The following CDH11 variants were observed in gnomAD, a reference collection of about 807,000 sequenced individuals.
The protein encoded by CDH11 is cadherin-11.
Under a neutral mutation model 67.8 loss-of-function variants are expected in CDH11, and 11 were observed. That is an observed-to-expected ratio of 0.16 (90% CI 0.10 to 0.27). CDH11 has a LOEUF of 0.27. Among genes scored for constraint, CDH11 ranks in the 10% least tolerant of loss-of-function variants. The pLI is 1.00. For synonymous variants in CDH11, 419 were observed against 400.0 expected, an observed-to-expected ratio of 1.05 and a Z score of -0.57; for missense variants, 847 against 1,031.2, an observed-to-expected ratio of 0.82 and a Z score of 2.45.
chr16:65,045,329 GTATATATATATATATATATATATA>G (rs57695452), intron 2 of CDH11, among the ~76,000 whole-genome samples: 32 of 63,278 alleles, frequency 5.1e-4, no homozygotes, highest in African/African-American at 1.3e-3. Flanking sequence ...TCCCTCAAAA[GTATATATATATATATATATATATA>G]TATATATATA....
intron 7 of CDH11, chr16:64,984,640 T>C (rs2072440133): frequency 6.6e-6 from 1 of 152,206 alleles, no homozygotes; most frequent in Non-Finnish European, 1.5e-5. Context: ...TGATATTTGT[T>C]AGATATAATA....
upstream of CDH11, chr16:65,122,110 T>G (rs1009616586): frequency 0.025 from 1,603 of 65,186 alleles, no homozygotes; most frequent in Middle Eastern, 0.04. Context: ...CGGGGGGAGG[T>G]GGCGGGCGGG....
At chr16:65,116,888 C>A (rs1366097693) in intron 1 of CDH11, among the ~76,000 whole-genome samples, 1 of 152,146 alleles carries the variant, frequency 6.6e-6, no homozygotes, top group Admixed American at 6.5e-5. Flanking sequence ...CACTTAATAT[C>A]CCGATGTACC....
rs1157070957 is a variant in CDH11, at chr16:64,944,684, A to G, written c.*2919T>C. On this transcript the variant is annotated 3_prime_UTR_variant, in exon 13 of 13. Transcript: ENST00000268603. ...ATTCTCCAAGAGGTGCAAATAAACT[A>G]CTCTTTTATCTTCCCTGTCACCCCC... 4.3e-6 allele frequency: 1 copy of G among 231,570 alleles called. No homozygotes were observed. The highest frequency in any genetic ancestry group is 8.5e-6 in the Non-Finnish European group (1 of 117,172). The allele number at this position is 231,570 out of a possible 1,614,324, so 14.3% of individuals were successfully genotyped here. A position where few individuals can be genotyped will look rare whatever the true frequency, so the allele number is the denominator to read the frequency against.
At chr16:65,055,011 G>T (rs2074119727) in intron 1 of CDH11, among the ~76,000 whole-genome samples, 2 of 152,224 alleles carry the variant, frequency 1.3e-5, no homozygotes, top group Admixed American at 6.5e-5. Flanking sequence ...TGGTTTTGGT[G>T]ACTGTAGCAA....
intron 1 of CDH11, among the ~76,000 whole-genome samples, chr16:65,059,048 A>G (rs1451959271): frequency 6.6e-6 from 1 of 152,264 alleles, no homozygotes; most frequent in African/African-American, 2.4e-5. Context: ...ATATTAACAT[A>G]CAATTTTATC....
rs1248579805 is a variant in CDH11 at position 64,944,620 on chromosome 16, A to G, written c.*2983T>C. On this transcript the variant is annotated 3_prime_UTR_variant, in exon 13 of 13. Transcript: ENST00000268603. The stretch of plus-strand genomic sequence containing the variant: ...TTTCAAATACTCCTGACCTGGTTCC[A>G]CCTGACATACAGAGCCATGATCTCT... 4.3e-6 allele frequency: 1 copy of G among 231,828 alleles called. No individual in the cohort carries two copies. The highest frequency in any genetic ancestry group is 8.5e-6 in the Non-Finnish European group (1 of 117,240). 14.4% of individuals were successfully genotyped at this position (231,828 alleles called of 1,614,324 possible). A position where few individuals can be genotyped will look rare whatever the true frequency, so the allele number is the denominator to read the frequency against.
chr16:65,040,473 G>A (rs540852512), intron 2 of CDH11, among the ~76,000 whole-genome samples: 10 of 151,634 alleles, frequency 6.6e-5, no homozygotes, highest in South Asian at 2.1e-4. Flanking sequence ...ACCAAACACC[G>A]CGTGTTCTCA....
rs759910422 is a variant in CDH11, at chr16:64,998,786, A to G, written c.299T>C (p.Ile100Thr). 20 of 1,614,130 alleles carry G rather than the reference A, an allele frequency of 1.2e-5. No individual in the cohort carries two copies. In the Admixed American group the frequency reaches 3.2e-4, roughly 26 times the overall value. The change falls in exon 4 of 13, where the codon ATT becomes ACT. Residue 100 changes from isoleucine to threonine, a missense_variant. This residue lies in a region of CDH11 where 235 missense variants were observed against 352.5 expected (regional missense o/e 0.67). Transcript: ENST00000268603. ...YILSGEGAGT[I>T]FVIDDKSGNI... ...CCCTGATTTGTCATCAATCACAAAA[A>G]TGGTTCCAGCTCCTTCCCCTGAGAG...
chr16:65,102,681 A>T (rs1022682764), intron 1 of CDH11, among the ~76,000 whole-genome samples: 2 of 152,216 alleles, frequency 1.3e-5, no homozygotes, highest in African/African-American at 2.4e-5. Flanking sequence ...AGCCCCATGA[A>T]GGGGCCATGT....
At chr16:64,976,469 G>T (rs1462201626) in intron 8 of CDH11, among the ~76,000 whole-genome samples, 2 of 152,124 alleles carry the variant, frequency 1.3e-5, no homozygotes, top group Non-Finnish European at 2.9e-5. Flanking sequence ...ATATTGCAAG[G>T]CCTCCATTAT....
At position 64,969,439 on chromosome 16, in the gene CDH11, C is replaced by T. The variant is rs554989230; in HGVS notation, c.1642+2140G>A. Among the ~76,000 whole-genome samples the T allele has an allele frequency of 3.9e-5, 6 of 152,186 alleles. No homozygotes were observed. In the East Asian group the frequency reaches 1.2e-3, roughly 29 times the overall value. Reference sequence around the variant, plus strand: ...TGCATCAACACAGATAGAAGATTGACCACAAATATTTGAGAAGCTAGACAA... The same window carrying T: ...TGCATCAACACAGATAGAAGATTGATCACAAATATTTGAGAAGCTAGACAA... On this transcript the variant is annotated intron_variant, in intron 11 of 12. Coordinates refer to ENST00000268603, the MANE Select transcript of CDH11 (RefSeq NM_001797.4).
chr16:64,994,145 T>G (rs2072706804), intron 4 of CDH11, among the ~76,000 whole-genome samples: 1 of 152,166 alleles, frequency 6.6e-6, no homozygotes, highest in South Asian at 2.1e-4. Flanking sequence ...TTGTCAGTGA[T>G]TTTTGTGTGG....
At chr16:65,030,271 A>G (rs1424135679) in intron 2 of CDH11, among the ~76,000 whole-genome samples, 1 of 152,202 alleles carries the variant, frequency 6.6e-6, no homozygotes, top group Non-Finnish European at 1.5e-5. Flanking sequence ...AGCTTTCAGT[A>G]TATCTACAGT....
At position 64,972,041 on chromosome 16, in the gene CDH11, C is replaced by T. The variant is rs2072019754; in HGVS notation, c.1414G>A (p.Val472Ile). 1 of 1,613,852 alleles carries T rather than the reference C, an allele frequency of 6.2e-7. No individual in the cohort carries two copies. The highest frequency in any genetic ancestry group is 8.5e-7 in the Non-Finnish European group (1 of 1,179,798). ...EIHNRHQEAK[V>I]PVAIRVLDVN... ...TCAAGGACCCTAATGGCCACTGGGA[C>T]TTTGGCTTCCTGATGCCGATTGTCT... is the stretch of plus-strand genomic sequence containing the variant. Residue 472 changes from valine to isoleucine, a missense_variant, in exon 10 of 13, where the codon GTC becomes ATC. Val to Ile is a conservative substitution (Grantham distance 29, BLOSUM62 3). Transcript: ENST00000268603.
intron 8 of CDH11, among the ~76,000 whole-genome samples, chr16:64,975,380 C>T (rs995137235): frequency 1.3e-5 from 2 of 152,022 alleles, no homozygotes; most frequent in Non-Finnish European, 2.9e-5. Flanking sequence ...AGATCAATAA[C>T]GCATGATGGG....
chr16:65,081,350 C>T (rs932598577), intron 1 of CDH11, among the ~76,000 whole-genome samples: 3 of 152,116 alleles, frequency 2.0e-5, no homozygotes, highest in African/African-American at 2.4e-5. Context: ...GGGCAGATCA[C>T]GAGGTCAGGA....
In CDH11 at chr16:64,947,465, T is replaced by C. The variant is rs1567479075; in HGVS notation, c.*138A>G. The C allele has an allele frequency of 1.4e-6, 2 of 1,476,352 alleles. No individual in the cohort carries two copies. Among genetic ancestry groups the C allele is most frequent in the South Asian group, 2.9e-5 (2 of 68,392 alleles). 91.5% of individuals were successfully genotyped at this position (1,476,352 alleles called of 1,614,324 possible). A position where few individuals can be genotyped will look rare whatever the true frequency, so the allele number is the denominator to read the frequency against. ...CCACTTTGATGTCCTCGCAGTTTTA[T>C]TAAATGTATCCTCTCTGTAAAACTT... is the stretch of plus-strand genomic sequence containing the variant. On this transcript the variant is annotated 3_prime_UTR_variant, in exon 13 of 13. Transcript: ENST00000268603.
intron 2 of CDH11, among the ~76,000 whole-genome samples, chr16:65,022,937 G>C (rs959979043): frequency 1.3e-5 from 2 of 152,108 alleles, no homozygotes; most frequent in Non-Finnish European, 2.9e-5. Flanking sequence ...CACAACAGAG[G>C]ACCTCATACA....
Sources: allele counts gnomAD v4.1 joint callset (sites outside exome capture counted in the v4.1 genomes callset), GRCh38; gene constraint gnomAD v4.1.1; regional missense constraint gnomAD v4.1.1; transcripts MANE v1.5; gene names NCBI Gene and HGNC (gene_info 2026-07-23, HGNC 2026-07-21).